OR6C1: variants seen among roughly 807,000 people sequenced by gnomAD.
OR6C1 encodes olfactory receptor family 6 subfamily C member 1.
For missense variants in OR6C1, 386 were observed against 366.1 expected (o/e 1.05, Z -0.44); for synonymous variants, 157 against 133.3 (o/e 1.18, Z -1.22).
rs1161097370 is a variant in OR6C1 at position 55,321,084 on chromosome 12, T to C, written c.485T>C (p.Leu162Ser). The change falls in exon 2 of 2, where the codon TTA becomes TCA. Residue 162 changes from leucine (L) to serine (S), a missense_variant. Physicochemically the swap from Leu to Ser is moderately radical, Grantham distance 145. Coordinates refer to ENST00000642104, the MANE Select transcript of OR6C1 (RefSeq NM_001005182.2). ...ATATTCCCAGCACTCATGTTGCTTT[T>C]AAAGCTTCATTACTGTAGGTCTAAT... The part of the protein sequence containing the change: ...LIIFPALMLL[L>S]KLHYCRSNII... The C allele has an allele frequency of 1.9e-6, 3 of 1,613,620 alleles. No homozygotes were observed. Among genetic ancestry groups the C allele is most frequent in the Non-Finnish European group, 2.5e-6 (3 of 1,179,642 alleles).
intron 1 of OR6C1, 36 bp from the exon 2 acceptor site, chr12:55,320,531 A>T: frequency 1.1e-6 from 1 of 905,544 alleles, no homozygotes. Context: ...TTAATTGATA[A>T]CTCTTCAAGT....
chr12:55,315,752 C>A (rs1229834497), intron 1 of OR6C1, among the ~76,000 whole-genome samples: 2 of 151,530 alleles, frequency 1.3e-5, no homozygotes, highest in Non-Finnish European at 3.0e-5. Context: ...CTCAAAGTAA[C>A]CCTTGTGTCA....
chr12:55,316,670 A>G (rs979593422), intron 1 of OR6C1, among the ~76,000 whole-genome samples: 5 of 151,926 alleles, frequency 3.3e-5, no homozygotes, highest in African/African-American at 9.7e-5. Flanking sequence ...CTCTCAAAGG[A>G]CTATGGATGC....
At chr12:55,320,222 T>C (rs1868504237) in intron 1 of OR6C1, among the ~76,000 whole-genome samples, 1 of 152,080 alleles carries the variant, frequency 6.6e-6, no homozygotes, top group South Asian at 2.1e-4. Context: ...GAAACTTGTA[T>C]AGGGATTTGT....
chr12:55,314,561 G>A lies in OR6C1; in HGVS notation c.-72G>A, dbSNP rs2120435910. The A allele has an allele frequency of 6.6e-6, 1 of 151,578 alleles. No homozygotes were observed. The highest frequency in any genetic ancestry group is 2.1e-4 in the South Asian group (1 of 4,818). 9.4% of individuals were successfully genotyped at this position (151,578 alleles called of 1,614,324 possible). A position where few individuals can be genotyped will look rare whatever the true frequency, so the allele number is the denominator to read the frequency against. ...ATTTGCTAATATCTCTACTATTCCA[G>A]CCATTCTGAATGTTAGTGAAACTAT... is the stretch of plus-strand genomic sequence containing the variant. On this transcript the variant is annotated 5_prime_UTR_variant, in exon 1 of 2. Coordinates refer to ENST00000642104, the MANE Select transcript of OR6C1 (RefSeq NM_001005182.2).
At chr12:55,315,288 C>T (rs1868390279) in intron 1 of OR6C1, among the ~76,000 whole-genome samples, 1 of 151,528 alleles carries the variant, frequency 6.6e-6, no homozygotes, top group Non-Finnish European at 1.5e-5. Context: ...AACGTTAAAG[C>T]CTATATACTT....
intron 1 of OR6C1, among the ~76,000 whole-genome samples, chr12:55,316,658 T>C (rs1868414894): frequency 6.6e-6 from 1 of 151,966 alleles, no homozygotes; most frequent in Non-Finnish European, 1.5e-5. Context: ...TGAGGTTCAA[T>C]CCTCTCAAAG....
rs190448740 is a variant in OR6C1, at chr12:55,320,496, C to T, written c.-33-71C>T. On this transcript the variant is annotated intron_variant, in intron 1 of 1. Coordinates refer to ENST00000642104, the MANE Select transcript of OR6C1 (RefSeq NM_001005182.2). ...GAAATGGCATACTATGTCAACCAAACTCCAGCTCCGTACTTGGATATTTGT... is the reference window on the plus strand; with the variant it reads ...GAAATGGCATACTATGTCAACCAAATTCCAGCTCCGTACTTGGATATTTGT... 572 of 700,970 alleles carry T rather than the reference C, an allele frequency of 8.2e-4. 3 individuals are homozygous for T. The highest frequency in any genetic ancestry group is 5.3e-3 in the Middle Eastern group (13 of 2,464). 43.4% of individuals were successfully genotyped at this position (700,970 alleles called of 1,614,324 possible).
At position 55,321,697 on chromosome 12, in the gene OR6C1, A is replaced by G. The variant is rs1164272318; in HGVS notation, c.*159A>G. On this transcript the variant is annotated 3_prime_UTR_variant, in exon 2 of 2. Transcript: ENST00000642104. Reference sequence around the variant, plus strand: ...TTAATATATTTCTCATTTGACTTAAAATAATTTTCTTGTGTCTTCCTGACA... The same window carrying G: ...TTAATATATTTCTCATTTGACTTAAGATAATTTTCTTGTGTCTTCCTGACA... The G allele has an allele frequency of 2.2e-6, 1 of 448,790 alleles. No homozygotes were observed. Among genetic ancestry groups the G allele is most frequent in the African/African-American group, 2.0e-5 (1 of 49,380 alleles). The allele number at this position is 448,790 out of a possible 1,614,324, so 27.8% of individuals were successfully genotyped here.
chr12:55,320,273 T>C (rs760368267), intron 1 of OR6C1, among the ~76,000 whole-genome samples: 140 of 152,286 alleles, frequency 9.2e-4, no homozygotes, highest in Non-Finnish European at 1.8e-3. Context: ...AGGAAACTTG[T>C]AGGCATGTCT....
intron 1 of OR6C1, among the ~76,000 whole-genome samples, chr12:55,317,955 A>G (rs1868439495): frequency 2.4e-5 from 3 of 126,176 alleles, no homozygotes. Context: ...ATATATATAC[A>G]CACACACACA....
At position 55,321,280 on chromosome 12, in the gene OR6C1, T is replaced by G. The variant is rs1466979435; in HGVS notation, c.681T>G (p.Pro227=). Residue 227 remains proline (P), a synonymous_variant, in exon 2 of 2, where the codon CCT becomes CCG. Coordinates refer to ENST00000642104, the MANE Select transcript of OR6C1 (RefSeq NM_001005182.2). ...TTATCAGAACAATTTTGAGAATTCC[T>G]TCTACTAGTCAGAGGACAAAGGCCT... ...IYIIRTILRI[P]STSQRTKAFS... 1 of 1,613,616 alleles carries G rather than the reference T, an allele frequency of 6.2e-7. No homozygotes were observed. The highest frequency in any genetic ancestry group is 1.1e-5 in the South Asian group (1 of 91,054).
chr12:55,318,569 C>T (rs1421386888), intron 1 of OR6C1, among the ~76,000 whole-genome samples: 1 of 149,526 alleles, frequency 6.7e-6, no homozygotes, highest in African/African-American at 2.4e-5. Context: ...ACAGCTTTCG[C>T]TAAATGCTAA....
chr12:55,318,981 A>G (rs1447246577), intron 1 of OR6C1, among the ~76,000 whole-genome samples: 3 of 152,208 alleles, frequency 2.0e-5, no homozygotes, highest in East Asian at 1.9e-4. Flanking sequence ...TGAATACACA[A>G]TTAAGCAAAT....
chr12:55,321,083 T>C lies in OR6C1; in HGVS notation c.484T>C (p.Leu162=). 6.2e-7 allele frequency: 1 copy of C among 1,613,692 alleles called. No individual in the cohort carries two copies. Among genetic ancestry groups the C allele is most frequent in the Non-Finnish European group, 8.5e-7 (1 of 1,179,714 alleles). ...LIIFPALMLL[L]KLHYCRSNII... is the part of the protein sequence containing the mutation. ...CATATTCCCAGCACTCATGTTGCTTTTAAAGCTTCATTACTGTAGGTCTAA... is the reference window on the plus strand; with the variant it reads ...CATATTCCCAGCACTCATGTTGCTTCTAAAGCTTCATTACTGTAGGTCTAA... Residue 162 remains leucine (L), a synonymous_variant, in exon 2 of 2, where the codon TTA becomes CTA. Coordinates refer to ENST00000642104, the MANE Select transcript of OR6C1 (RefSeq NM_001005182.2).
rs1868570914 is a variant in OR6C1 at position 55,321,882 on chromosome 12, A to T, written c.*344A>T. On this transcript the variant is annotated 3_prime_UTR_variant, in exon 2 of 2. Transcript: ENST00000642104. ...ATGATATTCTACTTGTTATACACAGAACATATAGTTTTATAATTTTAATTT... is the reference window on the plus strand; with the variant it reads ...ATGATATTCTACTTGTTATACACAGTACATATAGTTTTATAATTTTAATTT... 6.2e-6 allele frequency: 1 copy of T among 162,140 alleles called. No homozygotes were observed. Among genetic ancestry groups the T allele is most frequent in the South Asian group, 2.0e-4 (1 of 5,026 alleles). The allele number at this position is 162,140 out of a possible 1,614,324, so 10.0% of individuals were successfully genotyped here.
chr12:55,320,756 CT>C lies in OR6C1; in HGVS notation c.158del (p.Leu53ArgfsTer15). ...LITITLLDSH[L>X]QTPMYFFLRN... is the part of the protein sequence containing the mutation. ...CACAATTACCCTGCTGGATTCCCAC[CT>C]GCAGACCCCCATGTATTTCTTCCTC... On this transcript the variant is annotated frameshift_variant, in exon 2 of 2. Transcript: ENST00000642104. LOFTEE classifies it low-confidence loss of function (END_TRUNC). The C allele has an allele frequency of 6.2e-7, 1 of 1,614,142 alleles. No homozygotes were observed. The highest frequency in any genetic ancestry group is 8.5e-7 in the Non-Finnish European group (1 of 1,179,994).
At position 55,321,126 on chromosome 12, in the gene OR6C1, C is replaced by T; in HGVS notation, c.527C>T (p.Thr176Ile). Residue 176 changes from threonine to isoleucine, a missense_variant, in exon 2 of 2, where the codon ACC becomes ATC. Physicochemically the swap from Thr to Ile is moderately conservative, Grantham distance 89. Coordinates refer to ENST00000642104, the MANE Select transcript of OR6C1 (RefSeq NM_001005182.2). ...YCRSNIIDHFTCDYFPLLQLA... is the reference protein window; with the variant it reads ...YCRSNIIDHFICDYFPLLQLA... ...AGGTCTAATATTATTGACCATTTTA[C>T]CTGTGATTATTTTCCACTGCTGCAA... 2 of 1,613,842 alleles carry T rather than the reference C, an allele frequency of 1.2e-6. No individual in the cohort carries two copies. The highest frequency in any genetic ancestry group is 1.7e-6 in the Non-Finnish European group (2 of 1,179,850).
chr12:55,318,713 ATAT>A (rs1259360923), intron 1 of OR6C1, among the ~76,000 whole-genome samples: 1 of 149,874 alleles, frequency 6.7e-6, no homozygotes, highest in East Asian at 1.9e-4. Flanking sequence ...AAGCTAATAT[ATAT>A]TAAGTTATAT....
Sources: gnomAD v4.1 joint callset for allele counts (sites outside exome capture counted in the v4.1 genomes callset) on GRCh38, gnomAD v4.1.1 for gene constraint, MANE v1.5 for transcripts, NCBI Gene and HGNC (gene_info 2026-07-23, HGNC 2026-07-21) for gene names.